The following ARHGAP39 variants were observed in gnomAD, a reference collection of about 807,000 sequenced individuals.
The protein encoded by ARHGAP39 is rho GTPase-activating protein 39.
In ARHGAP39, 44 loss-of-function variants were observed where a neutral mutation model predicts 106.9. That is an observed-to-expected ratio of 0.41 (90% CI 0.32 to 0.53). The LOEUF is 0.53. Ranked by LOEUF, ARHGAP39 falls within the 20% of genes least tolerant of loss-of-function variation. ARHGAP39 has a pLI of 0.21. For missense variants in ARHGAP39, 1,496 were observed against 1,577.3 expected, an observed-to-expected ratio of 0.95 and a Z score of 0.87; for synonymous variants, 768 against 693.2, an observed-to-expected ratio of 1.11 and a Z score of -1.69.
At chr8:144,602,286 C>T (rs1329587319) in intron 2 of ARHGAP39, among the ~76,000 whole-genome samples, 19 of 74,994 alleles carry the variant, frequency 2.5e-4, no homozygotes, top group African/African-American at 7.1e-4. Flanking sequence ...TGCGTGGAGG[C>T]GTGTGTGCTC....
intron 1 of ARHGAP39, among the ~76,000 whole-genome samples, chr8:144,682,276 G>A (rs1181887637): frequency 7.5e-5 from 10 of 132,536 alleles, no homozygotes; most frequent in African/African-American, 2.0e-4. Context: ...AAGGCCGGGC[G>A]CGGTGGCTCA....
chr8:144,558,649 T>G (rs1818032671), intron 3 of ARHGAP39, among the ~76,000 whole-genome samples: 1 of 152,140 alleles, frequency 6.6e-6, no homozygotes, highest in South Asian at 2.1e-4. Context: ...AAGAAAAATG[T>G]TCAGCGGGAG....
In ARHGAP39 at chr8:144,646,131, G is replaced by A. The variant is rs909921248; in HGVS notation, c.-82+39555C>T. On this transcript the variant is annotated intron_variant, in intron 1 of 11. Transcript: ENST00000377307. This position sits in a 1 kb window ranked among gnomAD's most constrained non-coding sequence, Gnocchi z 5.7. ...CACCAAATGTCCGCCAGCAAGGACG[G>A]ACACATCGCAAGCTTGGAGCCTGCT... Among the ~76,000 whole-genome samples the A allele has an allele frequency of 6.6e-6, 1 of 152,220 alleles. No homozygotes were observed. Among genetic ancestry groups the A allele is most frequent in the African/African-American group, 2.4e-5 (1 of 41,446 alleles).
At chr8:144,658,243 G>A (rs994444308) in intron 1 of ARHGAP39, among the ~76,000 whole-genome samples, 2 of 151,814 alleles carry the variant, frequency 1.3e-5, no homozygotes, top group Admixed American at 6.6e-5. Flanking sequence ...CCAAGTAGCT[G>A]GAATTACAGG....
intron 1 of ARHGAP39, among the ~76,000 whole-genome samples, chr8:144,681,329 G>A (rs563918252): frequency 6.6e-6 from 1 of 152,070 alleles, no homozygotes; most frequent in Non-Finnish European, 1.5e-5. Flanking sequence ...CTCTGCGAGG[G>A]AGTCTGTCCA....
the ARHGAP39 span, chr8:144,699,157 G>A: frequency 3.8e-6 from 1 of 265,286 alleles, no homozygotes; most frequent in Non-Finnish European, 7.4e-6. Context: ...CCTGGGAGAT[G>A]GGGCAGTGAG....
intron 6 of ARHGAP39, among the ~76,000 whole-genome samples, chr8:144,544,906 G>A (rs181333378): frequency 1.5e-3 from 228 of 152,388 alleles, no homozygotes; most frequent in Admixed American, 2.1e-3. Flanking sequence ...GCACACAGGT[G>A]CCTGACTACG....
intron 1 of ARHGAP39, among the ~76,000 whole-genome samples, chr8:144,607,493 C>T (rs1387285910): frequency 6.6e-6 from 1 of 152,242 alleles, no homozygotes. Flanking sequence ...GTCTGCCGAA[C>T]CGTGGTGGGC....
intron 1 of ARHGAP39, among the ~76,000 whole-genome samples, chr8:144,618,741 C>T (rs1241348511): frequency 1.3e-5 from 2 of 152,228 alleles, no homozygotes; most frequent in African/African-American, 4.8e-5. Flanking sequence ...ACCCGGTTCT[C>T]GCATGGGAGG....
intron 1 of ARHGAP39, among the ~76,000 whole-genome samples, chr8:144,637,672 C>T (rs367822983): frequency 8.6e-5 from 13 of 151,996 alleles, no homozygotes; most frequent in Admixed American, 2.6e-4. Context: ...GATGTGTTTA[C>T]GTTTTGCTAA....
intron 1 of ARHGAP39, among the ~76,000 whole-genome samples, chr8:144,616,606 C>T (rs1820643437): frequency 6.6e-6 from 1 of 152,180 alleles, no homozygotes; most frequent in South Asian, 2.1e-4. Flanking sequence ...TGAGCCACTG[C>T]CTCACCCCAG....
intron 3 of ARHGAP39, among the ~76,000 whole-genome samples, chr8:144,569,833 G>C (rs1165325196): frequency 6.6e-6 from 1 of 152,190 alleles, no homozygotes; most frequent in Non-Finnish European, 1.5e-5. Flanking sequence ...AGAAACATCA[G>C]AACAAGGGCA....
intron 1 of ARHGAP39, among the ~76,000 whole-genome samples, chr8:144,650,721 C>T: frequency 6.6e-6 from 1 of 152,168 alleles, no homozygotes; most frequent in East Asian, 1.9e-4. Context: ...ATGTTAAAAA[C>T]TCTCAATAAA....
intron 1 of ARHGAP39, among the ~76,000 whole-genome samples, chr8:144,672,594 C>A (rs1822126682): frequency 6.6e-6 from 1 of 152,188 alleles, no homozygotes; most frequent in African/African-American, 2.4e-5. Flanking sequence ...CGCCTCACAT[C>A]TGTCTACACC....
At chr8:144,552,537 G>A (rs1284345614) in intron 4 of ARHGAP39, among the ~76,000 whole-genome samples, 1 of 152,184 alleles carries the variant, frequency 6.6e-6, no homozygotes, top group African/African-American at 2.4e-5. Flanking sequence ...CACTCTCCAG[G>A]CCCTGTGACT....
chr8:144,626,550 G>A (rs1412788733), intron 1 of ARHGAP39, among the ~76,000 whole-genome samples: 1 of 127,218 alleles, frequency 7.9e-6, no homozygotes, highest in African/African-American at 3.2e-5. Context: ...CTGTCCCGGC[G>A]GCCCCGTTCA....
At chr8:144,682,244 CAAAAAAAAAA>C (rs1199836499) in intron 1 of ARHGAP39, among the ~76,000 whole-genome samples, 1 of 30,688 alleles carries the variant, frequency 3.3e-5, no homozygotes, top group African/African-American at 1.5e-4. Context: ...GACTCTATCT[CAAAAAAAAAA>C]AAAAAAAAAA....
intron 3 of ARHGAP39, among the ~76,000 whole-genome samples, chr8:144,570,657 A>C (rs1818554977): frequency 6.6e-6 from 1 of 152,240 alleles, no homozygotes; most frequent in South Asian, 2.1e-4. Context: ...TTCTAGGAGG[A>C]GACTTTAACT....
chr8:144,651,472 G>A (rs1821572523), intron 1 of ARHGAP39, among the ~76,000 whole-genome samples: 1 of 152,172 alleles, frequency 6.6e-6, no homozygotes, highest in African/African-American at 2.4e-5. Flanking sequence ...GGAGGCTGAG[G>A]TGAGTGAATC....
Sources: allele counts gnomAD v4.1 joint callset (sites outside exome capture counted in the v4.1 genomes callset), GRCh38; gene constraint gnomAD v4.1.1; non-coding constraint Gnocchi (gnomAD v3.1); transcripts MANE v1.5; gene names NCBI Gene and HGNC (gene_info 2026-07-23, HGNC 2026-07-21).